The following AGL variants were observed in gnomAD, a reference collection of about 807,000 sequenced individuals.
AGL encodes the protein amylo-alpha-1,6-glucosidase and 4-alpha-glucanotransferase.
A neutral mutation model predicts 199.3 loss-of-function variants in AGL; 128 were observed. That is an observed-to-expected ratio of 0.64 (90% CI 0.56 to 0.74). The LOEUF is 0.74. Ranked by LOEUF, AGL falls within the 30% of genes least tolerant of loss-of-function variation. The pLI is 0.00. For missense variants in AGL, 1,809 were observed against 1,820.8 expected, an observed-to-expected ratio of 0.99 and a Z score of 0.12; for synonymous variants, 584 against 594.7, an observed-to-expected ratio of 0.98 and a Z score of 0.26.
At chr1:99,867,620 G>C (rs1323370558) in intron 5 of AGL, among the ~76,000 whole-genome samples, 2 of 151,132 alleles carry the variant, frequency 1.3e-5, no homozygotes, top group Non-Finnish European at 2.9e-5. Flanking sequence ...CAGTGGCGCA[G>C]TCTTGGCTCA....
chr1:99,880,023 T>G lies in AGL; in HGVS notation c.1712T>G (p.Leu571Arg), dbSNP rs1232084961. ...EDLDNVFVTR[L>R]GISSLIREAM... is the part of the protein sequence containing the mutation. ...CTGGACAATGTCTTTGTTACTAGAC[T>G]GGGCATTAGTTCCTTAATAAGAGGT... is the stretch of plus-strand genomic sequence containing the variant. The change falls in exon 13 of 34, where the codon CTG becomes CGG. Residue 571 changes from leucine (L) to arginine (R), a missense_variant. Physicochemically the swap from Leu to Arg is moderately radical, Grantham distance 102 (BLOSUM62 -2). Transcript: ENST00000361915. The G allele has an allele frequency of 3.1e-6, 5 of 1,613,416 alleles. No homozygotes were observed. The highest frequency in any genetic ancestry group is 4.2e-6 in the Non-Finnish European group (5 of 1,179,620).
chr1:99,916,128 T>TA (rs1390918405), intron 31 of AGL, among the ~76,000 whole-genome samples: 4 of 152,166 alleles, frequency 2.6e-5, no homozygotes, highest in African/African-American at 9.7e-5. Flanking sequence ...AACCAAGCCA[T>TA]ATTTAGTGCC....
chr1:99,850,825 C>T, intron 1 of AGL, 150 bp from the exon 2 acceptor site: 2 of 561,900 alleles, frequency 3.6e-6, no homozygotes, highest in South Asian at 2.1e-5. Flanking sequence ...ATTAATTTGC[C>T]TTCTCGAATC....
chr1:99,921,659 C>A lies in AGL; in HGVS notation c.*8C>A, dbSNP rs748689589. ...ACACTTTATGATTTATAGTTTATTA[C>A]AGATATTAAGTATGCAATTACTTGT... On this transcript the variant is annotated 3_prime_UTR_variant, in exon 34 of 34. Coordinates refer to ENST00000361915, the MANE Select transcript of AGL (RefSeq NM_000642.3). The A allele has an allele frequency of 6.4e-7, 1 of 1,574,044 alleles. No individual in the cohort carries two copies. Among genetic ancestry groups the A allele is most frequent in the Non-Finnish European group, 8.7e-7 (1 of 1,144,568 alleles).
intron 12 of AGL, 71 bp downstream of exon 12, chr1:99,877,899 C>A: frequency 6.8e-7 from 1 of 1,460,110 alleles, no homozygotes; most frequent in African/African-American, 1.4e-5. Flanking sequence ...CTTAAGTAAA[C>A]TATGCAGGTA....
intron 2 of AGL, among the ~76,000 whole-genome samples, chr1:99,852,872 A>G (rs1288138229): frequency 6.6e-6 from 1 of 152,198 alleles, no homozygotes; most frequent in Non-Finnish European, 1.5e-5. Context: ...ATATTATGCA[A>G]TAGAATAGTA....
intron 27 of AGL, among the ~76,000 whole-genome samples, chr1:99,908,620 C>T (rs1040947323): frequency 9.8e-5 from 15 of 152,292 alleles, no homozygotes; most frequent in African/African-American, 2.9e-4. Flanking sequence ...ATCTGAGTCA[C>T]CTCAGTGTTG....
At chr1:99,902,188 T>A (rs914363103) in intron 26 of AGL, among the ~76,000 whole-genome samples, 2 of 152,136 alleles carry the variant, frequency 1.3e-5, no homozygotes, top group African/African-American at 4.8e-5. Flanking sequence ...ATCACATTTA[T>A]TATTTATATG....
intron 23 of AGL, among the ~76,000 whole-genome samples, 196 bp from the exon 24 acceptor site, chr1:99,892,236 G>T (rs1183725966): frequency 6.6e-6 from 1 of 151,910 alleles, no homozygotes; most frequent in Non-Finnish European, 1.5e-5. Context: ...AACCATCTGT[G>T]GACTGTAAGC....
chr1:99,871,359 G>A (rs940617416), intron 7 of AGL, among the ~76,000 whole-genome samples: 1 of 151,278 alleles, frequency 6.6e-6, no homozygotes, highest in Non-Finnish European at 1.5e-5. Flanking sequence ...ATAACAAAAG[G>A]TAACGAAGTG....
intron 28 of AGL, 91 bp downstream of exon 28, chr1:99,910,938 TTTACA>T: frequency 7.2e-7 from 1 of 1,381,668 alleles, no homozygotes; most frequent in Non-Finnish European, 1.0e-6. Context: ...CTATGAACTC[TTTACA>T]TTAAGTCAAT....
chr1:99,865,331 A>G (rs957498759), intron 5 of AGL, among the ~76,000 whole-genome samples: 49 of 152,354 alleles, frequency 3.2e-4, no homozygotes, highest in African/African-American at 1.1e-3. Context: ...ACTATAGCAT[A>G]TATGAAAAAA....
intron 21 of AGL, among the ~76,000 whole-genome samples, chr1:99,888,773 C>G (rs1570459066): frequency 6.6e-6 from 1 of 152,056 alleles, no homozygotes; most frequent in Admixed American, 6.6e-5. Context: ...ATAGTTTTCA[C>G]TTATGCCTTT....
At chr1:99,917,863 TACCTGTTATTACCCCCCAC>T (rs1374384370) in intron 33 of AGL, among the ~76,000 whole-genome samples, 1 of 152,206 alleles carries the variant, frequency 6.6e-6, no homozygotes, top group African/African-American at 2.4e-5. Flanking sequence ...ATTTTGCTTT[TACCTGTTATTACCCCCCAC>T]ACTACATGGT....
At chr1:99,861,274 A>T in intron 2 of AGL, 1 of 1,382,504 alleles carries the variant, frequency 7.2e-7, no homozygotes, top group Non-Finnish European at 9.3e-7. Context: ...GGGAAGGAGA[A>T]AGAGACATTA....
chr1:99,919,269 G>A (rs926795217), intron 33 of AGL, among the ~76,000 whole-genome samples: 2 of 152,176 alleles, frequency 1.3e-5, no homozygotes, highest in African/African-American at 4.8e-5. Context: ...ATCCTTCAAG[G>A]ATCGCTATTT....
rs2100779132 is a variant in AGL, at chr1:99,888,077, C to A, written c.2781C>A (p.Asn927Lys). The A allele has an allele frequency of 6.2e-7, 1 of 1,613,380 alleles. No individual in the cohort carries two copies. Among genetic ancestry groups the A allele is most frequent in the South Asian group, 1.1e-5 (1 of 91,068 alleles). ...EDGGGCYDIPNWSALKYAGLQ... is the reference protein window; with the variant it reads ...EDGGGCYDIPKWSALKYAGLQ... The stretch of plus-strand genomic sequence containing the variant: ...GTGGAGGGTGCTATGACATACCAAA[C>A]TGGTCAGCCCTTAAATATGCAGGTC... Residue 927 changes from asparagine (N) to lysine (K), a missense_variant, in exon 21 of 34, where the codon AAC (asparagine) becomes AAA (lysine). Asn to Lys is a moderately conservative substitution (Grantham distance 94). Transcript: ENST00000361915.
chr1:99,862,245 T>C lies in AGL; in HGVS notation c.294-12T>C, dbSNP rs755307948. The C allele has an allele frequency of 6.2e-7, 1 of 1,614,038 alleles. No individual in the cohort carries two copies. Among genetic ancestry groups the C allele is most frequent in the East Asian group, 2.2e-5 (1 of 44,842 alleles). On this transcript the variant is annotated splice_polypyrimidine_tract_variant and intron_variant, in intron 3 of 33. Transcript: ENST00000361915. ...ACTGACTGAAAAGTTTTTGTTTTGT[T>C]TTTTCCCTTAGAAATGAGAAAAGTG...
intron 12 of AGL, among the ~76,000 whole-genome samples, chr1:99,879,476 C>T (rs1471446491): frequency 6.6e-6 from 1 of 151,918 alleles, no homozygotes; most frequent in Non-Finnish European, 1.5e-5. Flanking sequence ...CCCAGCTACT[C>T]GGGAGGCTGA....
Sources: allele counts gnomAD v4.1 joint callset (sites outside exome capture counted in the v4.1 genomes callset), GRCh38; gene constraint gnomAD v4.1.1; transcripts MANE v1.5; gene names NCBI Gene and HGNC (gene_info 2026-07-23, HGNC 2026-07-21).